FAM110B: variants seen among roughly 807,000 people sequenced by gnomAD.
FAM110B encodes family with sequence similarity 110 member B.
FAM110B carries 6 observed loss-of-function variants against 20.4 expected under a neutral mutation model. The observed-to-expected ratio is 0.29, with a 90% CI of 0.16 to 0.58. The LOEUF (loss-of-function observed/expected upper bound fraction) is 0.58, where lower values mean the gene tolerates loss of function less well. Ranked by LOEUF, FAM110B falls within the 20% of genes least tolerant of loss-of-function variation. FAM110B has a pLI of 0.90. For synonymous variants in FAM110B, 226 were observed against 214.1 expected (o/e 1.06, Z -0.49); for missense variants, 434 against 498.2 (o/e 0.87, Z 1.23).
At chr8:58,134,438 G>A (rs1307689545) in intron 3 of FAM110B, among the ~76,000 whole-genome samples, 2 of 152,200 alleles carry the variant, frequency 1.3e-5, no homozygotes, top group Non-Finnish European at 2.9e-5. Context: ...GGTACTTGGA[G>A]TATCGTTTCA....
intron 3 of FAM110B, among the ~76,000 whole-genome samples, chr8:58,124,870 A>G (rs1040010604): frequency 3.3e-5 from 5 of 152,222 alleles, no homozygotes; most frequent in Non-Finnish European, 4.4e-5. Flanking sequence ...GGAATTTTTA[A>G]AGAAAAATGA....
At chr8:58,073,679 T>C (rs1169239580) in intron 2 of FAM110B, among the ~76,000 whole-genome samples, 2 of 152,236 alleles carry the variant, frequency 1.3e-5, no homozygotes, top group Non-Finnish European at 2.9e-5. Context: ...TCTTAAGTAA[T>C]TTAGTGATTA....
intron 3 of FAM110B, among the ~76,000 whole-genome samples, chr8:58,087,850 T>C (rs573686993): frequency 1.3e-5 from 2 of 152,372 alleles, no homozygotes; most frequent in African/African-American, 4.8e-5. Context: ...CATTCTAAAC[T>C]TTAACCTTTA....
chr8:57,999,762 C>T (rs959820271), intron 1 of FAM110B, among the ~76,000 whole-genome samples: 5 of 151,862 alleles, frequency 3.3e-5, no homozygotes, highest in South Asian at 2.1e-4. Flanking sequence ...AAATGAAAAG[C>T]GAATTTAAGG....
intron 3 of FAM110B, among the ~76,000 whole-genome samples, chr8:58,080,303 A>G (rs1806157610): frequency 6.6e-6 from 1 of 152,238 alleles, no homozygotes; most frequent in African/African-American, 2.4e-5. Flanking sequence ...AAGGAAACAT[A>G]AATGTCTGGT....
intron 3 of FAM110B, among the ~76,000 whole-genome samples, chr8:58,131,019 T>TA: frequency 6.6e-6 from 1 of 152,274 alleles, no homozygotes; most frequent in East Asian, 1.9e-4. Context: ...GCAATCCATA[T>TA]AGGCACAGGC....
Position 58,096,268 on chromosome 8 carries a change from C to T in FAM110B, c.-325+20645C>T, listed in dbSNP as rs547563034. On this transcript the variant is annotated intron_variant, in intron 3 of 3. Coordinates refer to ENST00000519262, the MANE Select transcript of FAM110B (RefSeq NM_001377989.1). The stretch of plus-strand genomic sequence containing the variant: ...TCTTCTCATTGCAACCTCCACCTTC[C>T]GGTTTCAAGCAATTCTCCTGCCTCA... 3.3e-5 allele frequency among the ~76,000 whole-genome samples: 5 copies of T among 152,168 alleles called. No individual in the cohort carries two copies. The South Asian group carries it at 8.3e-4, about 25-fold the overall frequency.
intron 3 of FAM110B, among the ~76,000 whole-genome samples, chr8:58,128,160 T>C (rs1249547160): frequency 6.6e-6 from 1 of 152,178 alleles, no homozygotes; most frequent in Non-Finnish European, 1.5e-5. Flanking sequence ...ACTATCACCC[T>C]GTGAGGAAGG....
intron 1 of FAM110B, among the ~76,000 whole-genome samples, chr8:58,027,459 G>A (rs941503463): frequency 3.3e-5 from 5 of 151,842 alleles, no homozygotes; most frequent in Non-Finnish European, 7.4e-5. Flanking sequence ...GAGTTACAAT[G>A]TATATATAAC....
intron 3 of FAM110B, among the ~76,000 whole-genome samples, chr8:58,125,531 C>T (rs562321886): frequency 6.6e-6 from 1 of 152,146 alleles, no homozygotes; most frequent in East Asian, 1.9e-4. Flanking sequence ...ATATTCTGAA[C>T]CATAATAATG....
chr8:58,066,100 C>T (rs986773464), intron 2 of FAM110B, among the ~76,000 whole-genome samples: 1 of 152,208 alleles, frequency 6.6e-6, no homozygotes, highest in East Asian at 1.9e-4. Context: ...TCCAGAGCCT[C>T]GTAGTACCCC....
chr8:58,146,606 A>G lies in FAM110B; in HGVS notation c.376A>G (p.Asn126Asp). ...LKLEILKNII[N>D]SSEGSSSGSG... The stretch of plus-strand genomic sequence containing the variant: ...GCTGGAGATCCTGAAGAACATCATC[A>G]ATAGCTCCGAGGGCTCTAGCTCGGG... The change falls in exon 4 of 4, where the codon AAT (asparagine) becomes GAT (aspartate). Residue 126 changes from asparagine to aspartate, a missense_variant. Coordinates refer to ENST00000519262, the MANE Select transcript of FAM110B (RefSeq NM_001377989.1). 4.3e-6 allele frequency: 7 copies of G among 1,613,992 alleles called. No homozygotes were observed. The highest frequency in any genetic ancestry group is 5.9e-6 in the Non-Finnish European group (7 of 1,179,954).
chr8:58,115,988 G>C (rs1807200659), intron 3 of FAM110B, among the ~76,000 whole-genome samples: 1 of 152,164 alleles, frequency 6.6e-6, no homozygotes, highest in South Asian at 2.1e-4. Context: ...TGTTTAACAG[G>C]ATATTTGTAA....
At position 58,066,436 on chromosome 8, in the gene FAM110B, G is replaced by C. The variant is rs1198520588; in HGVS notation, c.-413-9099G>C. Reference sequence around the variant, plus strand: ...CTGTGGAGGAGCTGGGGCCAGGGCTGCTGCCCATGGCCTTTGGAGCAGCAG... The same window carrying C: ...CTGTGGAGGAGCTGGGGCCAGGGCTCCTGCCCATGGCCTTTGGAGCAGCAG... On this transcript the variant is annotated intron_variant, in intron 2 of 3. Transcript: ENST00000519262. Among the ~76,000 whole-genome samples, 4 of 152,304 alleles carry C rather than the reference G, an allele frequency of 2.6e-5. No homozygotes were observed. In the East Asian group the frequency reaches 7.7e-4, roughly 29 times the overall value.
chr8:58,021,770 C>T (rs1008713732), intron 1 of FAM110B, among the ~76,000 whole-genome samples: 2 of 152,106 alleles, frequency 1.3e-5, no homozygotes, highest in East Asian at 1.9e-4. Context: ...ATTTTGCAGC[C>T]AACCCCAACT....
intron 2 of FAM110B, among the ~76,000 whole-genome samples, chr8:58,050,065 AT>A (rs770057059): frequency 3.9e-5 from 6 of 152,152 alleles, no homozygotes; most frequent in Non-Finnish European, 8.8e-5. Flanking sequence ...GCTGGTTTCA[AT>A]TTTACCATTG....
At chr8:58,051,621 T>C (rs1805443088) in intron 2 of FAM110B, among the ~76,000 whole-genome samples, 1 of 152,080 alleles carries the variant, frequency 6.6e-6, no homozygotes, top group South Asian at 2.1e-4. Flanking sequence ...TTCAGGTAAA[T>C]TGTCAATTTG....
intron 1 of FAM110B, among the ~76,000 whole-genome samples, chr8:58,001,375 GGT>G (rs10586422): frequency 0.47 from 70,982 of 151,262 alleles, 17,754 homozygotes; most frequent in African/African-American, 0.64. Flanking sequence ...AGTGTGTGCA[GGT>G]GTGTGTGTGT....
At chr8:58,002,121 C>G (rs1454295496) in intron 1 of FAM110B, among the ~76,000 whole-genome samples, 1 of 152,034 alleles carries the variant, frequency 6.6e-6, no homozygotes, top group East Asian at 1.9e-4. Context: ...TGGATAATGC[C>G]CACCCACATT....
Sources: gnomAD v4.1 joint callset for allele counts (sites outside exome capture counted in the v4.1 genomes callset) on GRCh38, gnomAD v4.1.1 for gene constraint, MANE v1.5 for transcripts, NCBI Gene and HGNC (gene_info 2026-07-23, HGNC 2026-07-21) for gene names.